The following TGFB2 variants were observed in gnomAD, a reference collection of about 807,000 sequenced individuals.
The protein encoded by TGFB2 is transforming growth factor beta-2 proprotein.
A neutral mutation model predicts 42.7 loss-of-function variants in TGFB2; 13 were observed. The ratio of observed to expected loss-of-function variants is 0.30; its 90% CI spans 0.20 to 0.48. TGFB2 has a LOEUF of 0.48. TGFB2 is among the 20% of genes least tolerant of loss of function. The probability of loss-of-function intolerance (pLI) is 0.99; values close to 1 mark genes in which losing one functional copy is unlikely to be tolerated. For missense variants in TGFB2, 390 were observed against 517.5 expected, an observed-to-expected ratio of 0.75 and a Z score of 2.39; for synonymous variants, 193 against 193.6, an observed-to-expected ratio of 1.00 and a Z score of 0.03.
chr1:218,371,934 C>T (rs187389275), intron 1 of TGFB2, among the ~76,000 whole-genome samples: 131 of 152,292 alleles, frequency 8.6e-4, no homozygotes, highest in Middle Eastern at 3.4e-3. Context: ...AGCCACGTTC[C>T]TACCTGTTGT....
chr1:218,410,465 G>A (rs1659058325), intron 2 of TGFB2, among the ~76,000 whole-genome samples: 1 of 152,166 alleles, frequency 6.6e-6, no homozygotes, highest in South Asian at 2.1e-4. Context: ...TGAATGATAG[G>A]AAAATAAAAT....
intron 1 of TGFB2, among the ~76,000 whole-genome samples, chr1:218,379,885 AAG>A (rs1657900879): frequency 6.6e-6 from 1 of 152,182 alleles, no homozygotes; most frequent in Non-Finnish European, 1.5e-5. Flanking sequence ...ACCCTTTGAT[AAG>A]TACCTATGTC....
chr1:218,377,877 T>C (rs1486076418), intron 1 of TGFB2, among the ~76,000 whole-genome samples: 1 of 152,230 alleles, frequency 6.6e-6, no homozygotes, highest in Non-Finnish European at 1.5e-5. Context: ...TCTTCCTGTG[T>C]CTTCCTTAAA....
At chr1:218,379,335 G>A (rs1035204264) in intron 1 of TGFB2, among the ~76,000 whole-genome samples, 19 of 151,634 alleles carry the variant, frequency 1.3e-4, no homozygotes, top group Admixed American at 2.0e-4. Context: ...GGGTTTCACC[G>A]TGGTTCGCCA....
rs1050907047 is a variant in TGFB2 at position 218,345,622 on chromosome 1, G to T, written c.-1080G>T. On this transcript the variant is annotated 5_prime_UTR_variant, in exon 1 of 7. Coordinates refer to ENST00000366930, the MANE Select transcript of TGFB2 (RefSeq NM_003238.6). The stretch of plus-strand genomic sequence containing the variant: ...ACCTACCCTAAGCGAGCAATTCCAC[G>T]TTGGGGAGAAGCCAGCAGAGGTTGG... 6.6e-6 allele frequency: 1 copy of T among 152,482 alleles called. No homozygotes were observed. Among genetic ancestry groups the T allele is most frequent in the Non-Finnish European group, 1.5e-5 (1 of 68,320 alleles). The allele number at this position is 152,482 out of a possible 1,614,324, so 9.4% of individuals were successfully genotyped here. A position where few individuals can be genotyped will look rare whatever the true frequency, so the allele number is the denominator to read the frequency against.
chr1:218,376,169 A>C (rs564114705), intron 1 of TGFB2, among the ~76,000 whole-genome samples: 20 of 152,338 alleles, frequency 1.3e-4, no homozygotes, highest in African/African-American at 4.8e-4. Flanking sequence ...TCTCCCGTTA[A>C]GTGTTCTTAC....
Position 218,372,984 on chromosome 1 carries a change from C to T in TGFB2, c.346+25937C>T, listed in dbSNP as rs1313755663. On this transcript the variant is annotated intron_variant, in intron 1 of 6. Transcript: ENST00000366930. ...CTGAGGTCAGGAGTTCAAGACCAGCCTGATCACCATGGACAAACCCCATCT... is the reference window on the plus strand; with the variant it reads ...CTGAGGTCAGGAGTTCAAGACCAGCTTGATCACCATGGACAAACCCCATCT... Among the ~76,000 whole-genome samples the T allele has an allele frequency of 2.6e-5, 4 of 152,212 alleles. No homozygotes were observed. The East Asian group carries it at 5.8e-4, about 22-fold the overall frequency.
rs1031142270 is a variant in TGFB2, at chr1:218,426,875, A to G, written c.511-7207A>G. Among the ~76,000 whole-genome samples, 6 of 152,324 alleles carry G rather than the reference A, an allele frequency of 3.9e-5. No individual in the cohort carries two copies. The South Asian group carries it at 6.2e-4, about 16-fold the overall frequency. On this transcript the variant is annotated intron_variant, in intron 2 of 6. Transcript: ENST00000366930. ...GGCTGAGTTCTTTTTGTGAAAGGCCAAGGACTTTTCTTTGACATGGATGTG... is the reference window on the plus strand; with the variant it reads ...GGCTGAGTTCTTTTTGTGAAAGGCCGAGGACTTTTCTTTGACATGGATGTG...
chr1:218,415,213 A>G (rs1659234457), intron 2 of TGFB2, among the ~76,000 whole-genome samples: 1 of 152,198 alleles, frequency 6.6e-6, no homozygotes, highest in African/African-American at 2.4e-5. Context: ...GTTTCCGAGC[A>G]TTGAGTTTGA....
chr1:218,441,450 C>T lies in TGFB2; in HGVS notation c.*88C>T, dbSNP rs1459849263. ...AACGATGATGCTTGTAACAAGAAAACATAAGAGAGCCTTGGTTCATCAGTG... is the reference window on the plus strand; with the variant it reads ...AACGATGATGCTTGTAACAAGAAAATATAAGAGAGCCTTGGTTCATCAGTG... On this transcript the variant is annotated 3_prime_UTR_variant, in exon 7 of 7. Coordinates refer to ENST00000366930, the MANE Select transcript of TGFB2 (RefSeq NM_003238.6). 4 of 1,398,762 alleles carry T rather than the reference C, an allele frequency of 2.9e-6. No individual in the cohort carries two copies. The highest frequency in any genetic ancestry group is 2.9e-5 in the African/African-American group (2 of 68,916). The allele number at this position is 1,398,762 out of a possible 1,614,324, so 86.6% of individuals were successfully genotyped here.
At chr1:218,350,305 C>G (rs1055837218) in intron 1 of TGFB2, among the ~76,000 whole-genome samples, 6 of 152,186 alleles carry the variant, frequency 3.9e-5, no homozygotes, top group African/African-American at 7.2e-5. Flanking sequence ...CCCCCCAACA[C>G]CCGCACCCCT....
chr1:218,430,972 T>G (rs1271992475), intron 2 of TGFB2, among the ~76,000 whole-genome samples: 1 of 152,202 alleles, frequency 6.6e-6, no homozygotes, highest in Non-Finnish European at 1.5e-5. Context: ...CTCTGAGTGA[T>G]GGAAAGCAGC....
At chr1:218,439,560 A>T (rs1261061134) in intron 6 of TGFB2, among the ~76,000 whole-genome samples, 1 of 152,194 alleles carries the variant, frequency 6.6e-6, no homozygotes, top group Admixed American at 6.5e-5. Context: ...TAAATTGACA[A>T]ATACGGCTCC....
At chr1:218,347,074 C>G in intron 1 of TGFB2, 27 bp downstream of exon 1, 1 of 1,548,092 alleles carries the variant, frequency 6.5e-7, no homozygotes, top group Non-Finnish European at 8.7e-7. Context: ...ACTTCCATCC[C>G]CTGAGGTTTA....
chr1:218,367,080 G>T lies in TGFB2; in HGVS notation c.346+20033G>T, dbSNP rs192085634. Among the ~76,000 whole-genome samples, 20 of 152,358 alleles carry T rather than the reference G, an allele frequency of 1.3e-4. No homozygotes were observed. The East Asian group carries it at 3.9e-3, about 29-fold the overall frequency. ...GTGCAAGGAAGTAAATTAATCGTGT[G>T]TGGGTGTTGGATGTTATGTATTTCT... On this transcript the variant is annotated intron_variant, in intron 1 of 6. Transcript: ENST00000366930.
At chr1:218,440,479 G>A (rs1200839253) in intron 6 of TGFB2, among the ~76,000 whole-genome samples, 2 of 151,874 alleles carry the variant, frequency 1.3e-5, no homozygotes, top group Non-Finnish European at 2.9e-5. Context: ...GTCCAAGCTG[G>A]TCCTGAACTC....
At position 218,381,263 on chromosome 1, in the gene TGFB2, T is replaced by TG. The variant is rs1246579347; in HGVS notation, c.347-23906_347-23905insG. On this transcript the variant is annotated intron_variant, in intron 1 of 6. Transcript: ENST00000366930. ...ACATTTTTGTTTTTGTTTTTGTTTT[T>TG]TTTTTTTTTTGAGACAGAGTCTCGC... 1.1e-3 allele frequency among the ~76,000 whole-genome samples: 169 copies of TG among 150,406 alleles called. 2 individuals are homozygous for TG. Among genetic ancestry groups the TG allele is most frequent in the East Asian group, 9.9e-3 (51 of 5,126 alleles).
rs552451374 is a variant in TGFB2 at position 218,377,107 on chromosome 1, C to T, written c.347-28062C>T. 3.3e-5 allele frequency among the ~76,000 whole-genome samples: 5 copies of T among 152,180 alleles called. No individual in the cohort carries two copies. The East Asian group carries it at 5.8e-4, about 18-fold the overall frequency. ...AGAGATGAGGTCTCACTTTGTTGCC[C>T]GGGCTGGTCTCAGACTCCTGGGCTC... On this transcript the variant is annotated intron_variant, in intron 1 of 6. Coordinates refer to ENST00000366930, the MANE Select transcript of TGFB2 (RefSeq NM_003238.6).
intron 2 of TGFB2, among the ~76,000 whole-genome samples, chr1:218,408,190 C>T (rs1294634784): frequency 6.6e-6 from 1 of 152,172 alleles, no homozygotes; most frequent in East Asian, 1.9e-4. Flanking sequence ...CCCCTTGACC[C>T]TGTCCTCTGA....
Sources: gnomAD v4.1 joint callset for allele counts (sites outside exome capture counted in the v4.1 genomes callset) on GRCh38, gnomAD v4.1.1 for gene constraint, MANE v1.5 for transcripts, NCBI Gene and HGNC (gene_info 2026-07-23, HGNC 2026-07-21) for gene names.